ASTN2: variants seen among roughly 807,000 people sequenced by gnomAD.
The protein encoded by ASTN2 is astrotactin 2, also known as astrotactin-2.
In ASTN2, 54 loss-of-function variants were observed where a neutral mutation model predicts 139.8. The observed-to-expected ratio is 0.39, with a 90% CI of 0.31 to 0.48. The LOEUF is 0.48. ASTN2 is among the 20% of genes least tolerant of loss of function. The pLI, the probability that ASTN2 is intolerant of heterozygous loss-of-function variation, is 0.95. For missense variants in ASTN2, 1,565 were observed against 1,725.1 expected, an observed-to-expected ratio of 0.91 and a Z score of 1.64; for synonymous variants, 756 against 719.5, an observed-to-expected ratio of 1.05 and a Z score of -0.81.
At chr9:117,095,414 T>C (rs112594177) in intron 5 of ASTN2, among the ~76,000 whole-genome samples, 4,402 of 152,298 alleles carry the variant, frequency 0.029, 204 homozygotes, top group African/African-American at 0.1. Flanking sequence ...TCCCCCTACA[T>C]TGAGTGCCAT....
chr9:116,898,135 A>C lies in ASTN2; in HGVS notation c.1890-34402T>G, dbSNP rs3849141. On this transcript the variant is annotated intron_variant, in intron 10 of 22. Coordinates refer to ENST00000313400, the MANE Select transcript of ASTN2 (RefSeq NM_001365068.1). Reference sequence around the variant, plus strand: ...GTGGAAGGAGTTTGAAGCTGGATGCATTGGCTCGTGTCTGTAATCCCAGCA... The same window carrying C: ...GTGGAAGGAGTTTGAAGCTGGATGCCTTGGCTCGTGTCTGTAATCCCAGCA... 4.3e-3 allele frequency among the ~76,000 whole-genome samples: 662 copies of C among 152,234 alleles called. 4 individuals carry two copies. The highest frequency in any genetic ancestry group is 0.015 in the Admixed American group (232 of 15,278).
At chr9:117,253,148 G>A (rs1368572577) in intron 2 of ASTN2, among the ~76,000 whole-genome samples, 1 of 152,166 alleles carries the variant, frequency 6.6e-6, no homozygotes, top group African/African-American at 2.4e-5. Context: ...CCATGACTGA[G>A]AGGCATGACT....
intron 10 of ASTN2, among the ~76,000 whole-genome samples, chr9:116,877,316 T>G (rs911322920): frequency 1.2e-4 from 8 of 66,702 alleles, no homozygotes; most frequent in African/African-American, 3.0e-4. Context: ...AAGTGTGGGT[T>G]TTTTTTTGGC....
intron 5 of ASTN2, among the ~76,000 whole-genome samples, chr9:117,070,813 G>T (rs1426123060): frequency 6.6e-6 from 1 of 151,546 alleles, no homozygotes; most frequent in Non-Finnish European, 1.5e-5. Context: ...GGCTCCTGAG[G>T]CTTCTGCATT....
At chr9:117,127,744 G>C (rs887814294) in intron 4 of ASTN2, among the ~76,000 whole-genome samples, 1 of 127,870 alleles carries the variant, frequency 7.8e-6, no homozygotes, top group Non-Finnish European at 1.6e-5. Context: ...GCAGTGGCAC[G>C]ATCTTGGCTC....
At chr9:116,804,780 G>A (rs561588890) in intron 13 of ASTN2, among the ~76,000 whole-genome samples, 1 of 152,032 alleles carries the variant, frequency 6.6e-6, no homozygotes, top group Admixed American at 6.6e-5. Flanking sequence ...GGAGAGCCTT[G>A]CTTTGTGATA....
At chr9:116,900,017 A>G (rs1833967951) in intron 10 of ASTN2, among the ~76,000 whole-genome samples, 1 of 152,142 alleles carries the variant, frequency 6.6e-6, no homozygotes, top group African/African-American at 2.4e-5. Flanking sequence ...TGCATTCCCC[A>G]TTCCCTAGGC....
intron 1 of ASTN2, among the ~76,000 whole-genome samples, chr9:117,346,022 A>AT (rs1829204315): frequency 6.6e-6 from 1 of 151,682 alleles, no homozygotes; most frequent in Non-Finnish European, 1.5e-5. Flanking sequence ...AAAAAAAAAA[A>AT]AAAAGGAAAA....
At chr9:116,637,824 C>T (rs567102318) in intron 17 of ASTN2, among the ~76,000 whole-genome samples, 3 of 152,256 alleles carry the variant, frequency 2.0e-5, no homozygotes, top group African/African-American at 7.2e-5. Context: ...CCTATAGTCC[C>T]AGCTACTTGA....
chr9:117,398,561 C>T (rs1830740177), intron 1 of ASTN2, among the ~76,000 whole-genome samples: 1 of 152,150 alleles, frequency 6.6e-6, no homozygotes, highest in African/African-American at 2.4e-5. Flanking sequence ...CTCTGTGCCG[C>T]CTGCAAGAAA....
intron 3 of ASTN2, among the ~76,000 whole-genome samples, chr9:117,156,292 T>C (rs1830432097): frequency 6.6e-6 from 1 of 152,108 alleles, no homozygotes; most frequent in African/African-American, 2.4e-5. Context: ...TGACATTCTC[T>C]ATGATGCTGC....
chr9:117,286,021 T>C (rs1834440934), intron 2 of ASTN2, among the ~76,000 whole-genome samples: 1 of 152,238 alleles, frequency 6.6e-6, no homozygotes, highest in Non-Finnish European at 1.5e-5. Flanking sequence ...AGTTTCTATC[T>C]AGTAACTCTT....
chr9:116,811,595 A>G (rs1831169764), intron 12 of ASTN2, among the ~76,000 whole-genome samples: 1 of 152,210 alleles, frequency 6.6e-6, no homozygotes, highest in Non-Finnish European at 1.5e-5. Flanking sequence ...TGTGCCATCT[A>G]CCAGTTACAT....
At chr9:116,661,452 C>T (rs1858554010) in intron 16 of ASTN2, among the ~76,000 whole-genome samples, 1 of 152,054 alleles carries the variant, frequency 6.6e-6, no homozygotes, top group South Asian at 2.1e-4. Flanking sequence ...CTATTCAGTG[C>T]CAGGTTTACA....
chr9:116,814,125 C>A (rs571162999), intron 12 of ASTN2, among the ~76,000 whole-genome samples: 2 of 151,620 alleles, frequency 1.3e-5, no homozygotes, highest in Non-Finnish European at 2.9e-5. Flanking sequence ...CTTGGACCAA[C>A]GTTAGGAATA....
At chr9:116,509,162 C>T (rs1198537317) in intron 19 of ASTN2, among the ~76,000 whole-genome samples, 1 of 152,138 alleles carries the variant, frequency 6.6e-6, no homozygotes, top group East Asian at 1.9e-4. Context: ...TCCCCCTTCC[C>T]CTCACCCCAC....
intron 5 of ASTN2, among the ~76,000 whole-genome samples, chr9:117,084,019 C>T (rs1414135342): frequency 7.0e-6 from 1 of 143,858 alleles, no homozygotes; most frequent in Non-Finnish European, 1.5e-5. Context: ...TAGAAGTAGT[C>T]CAGAAGGGAT....
intron 16 of ASTN2, among the ~76,000 whole-genome samples, chr9:116,668,100 A>G (rs574044881): frequency 3.2e-4 from 49 of 152,212 alleles, no homozygotes; most frequent in Middle Eastern, 3.4e-3. Context: ...AACTCCTGGA[A>G]ACCTGGAAAC....
chr9:117,375,197 C>T (rs1050703006), intron 1 of ASTN2, among the ~76,000 whole-genome samples: 4 of 152,212 alleles, frequency 2.6e-5, no homozygotes, highest in Non-Finnish European at 5.9e-5. Context: ...CTCTAGGGCT[C>T]AGTCTGGAGG....
Sources: allele counts gnomAD v4.1 joint callset (sites outside exome capture counted in the v4.1 genomes callset), GRCh38; gene constraint gnomAD v4.1.1; transcripts MANE v1.5; gene names NCBI Gene and HGNC (gene_info 2026-07-23, HGNC 2026-07-21).